KLHL42: variants seen among roughly 807,000 people sequenced by gnomAD.
KLHL42 encodes the protein kelch like family member 42.
KLHL42 carries 27 observed loss-of-function variants against 32.7 expected under a neutral mutation model. The ratio of observed to expected loss-of-function variants is 0.83; its 90% CI spans 0.61 to 1.14. The LOEUF (loss-of-function observed/expected upper bound fraction) is 1.14, where lower values mean the gene tolerates loss of function less well. Among genes scored for constraint, KLHL42 ranks in the 50% most tolerant of loss-of-function variants. KLHL42 has a pLI of 0.00. For synonymous variants in KLHL42, 267 were observed against 248.2 expected (o/e 1.08, Z -0.71); for missense variants, 491 against 560.8 (o/e 0.88, Z 1.26).
chr12:27,795,532 C>T (rs942342949), intron 2 of KLHL42, among the ~76,000 whole-genome samples: 1 of 152,192 alleles, frequency 6.6e-6, no homozygotes, highest in Non-Finnish European at 1.5e-5. Flanking sequence ...TGGGCAGTTA[C>T]TTATACTCTG....
chr12:27,796,699 C>T (rs537411766), intron 2 of KLHL42, among the ~76,000 whole-genome samples: 2 of 152,104 alleles, frequency 1.3e-5, no homozygotes, highest in African/African-American at 2.4e-5. Context: ...GTGACATGAT[C>T]ACAGCTCACT....
At position 27,781,187 on chromosome 12, in the gene KLHL42, C is replaced by G; in HGVS notation, c.857C>G (p.Ser286Cys). Residue 286 changes from serine to cysteine, a missense_variant, in exon 1 of 3, where the codon TCC becomes TGC. Coordinates refer to ENST00000381271, the MANE Select transcript of KLHL42 (RefSeq NM_020782.2). ...PSTNEWLQVA[S>C]MNQKRSNFKL... The stretch of plus-strand genomic sequence containing the variant: ...ACCAACGAGTGGCTCCAGGTGGCCT[C>G]CATGAACCAGAAGAGGTAAGCACCC... 1 of 1,613,734 alleles carries G rather than the reference C, an allele frequency of 6.2e-7. No individual in the cohort carries two copies. The highest frequency in any genetic ancestry group is 2.2e-5 in the East Asian group (1 of 44,884).
Position 27,797,961 on chromosome 12 carries a change from C to T in KLHL42, c.1313C>T (p.Ser438Leu), listed in dbSNP as rs759832133. 4 of 780,920 alleles carry T rather than the reference C, an allele frequency of 5.1e-6. No individual in the cohort carries two copies. The highest frequency in any genetic ancestry group is 5.1e-5 in the African/African-American group (3 of 59,120). The allele number at this position is 780,920 out of a possible 1,614,324, so 48.4% of individuals were successfully genotyped here. A position where few individuals can be genotyped will look rare whatever the true frequency, so the allele number is the denominator to read the frequency against. ...WLYLKENTSK[S>L]GLNLTCALHN... is the part of the protein sequence containing the mutation. ...TACCTCAAGGAGAACACGTCCAAAT[C>T]GGGTCTTAACTTGACTTGTGCGCTC... Residue 438 changes from serine (S) to leucine (L), a missense_variant, in exon 3 of 3, where the codon TCG (serine) becomes TTG (leucine). Ser to Leu is a moderately radical substitution (Grantham distance 145). Coordinates refer to ENST00000381271, the MANE Select transcript of KLHL42 (RefSeq NM_020782.2).
At chr12:27,793,959 G>C (rs1332774341) in intron 2 of KLHL42, among the ~76,000 whole-genome samples, 3 of 152,240 alleles carry the variant, frequency 2.0e-5, no homozygotes, top group Admixed American at 6.5e-5. Context: ...GTAGCATCCA[G>C]ATAGGTGACA....
chr12:27,780,283 C>A lies in KLHL42; in HGVS notation c.-48C>A. 6.7e-7 allele frequency: 1 copy of A among 1,491,520 alleles called. No individual in the cohort carries two copies. Among genetic ancestry groups the A allele is most frequent in the South Asian group, 1.3e-5 (1 of 77,602 alleles). 92.4% of individuals were successfully genotyped at this position (1,491,520 alleles called of 1,614,324 possible). The stretch of plus-strand genomic sequence containing the variant: ...GGCGCGCGCGTAGGGGCTGGGAGGC[C>A]GGCGCGCAGATCTGGCGGTGAGCGC... On this transcript the variant is annotated 5_prime_UTR_variant, in exon 1 of 3. Coordinates refer to ENST00000381271, the MANE Select transcript of KLHL42 (RefSeq NM_020782.2). This position sits in a 1 kb window ranked among gnomAD's most constrained non-coding sequence, Gnocchi z 8.8.
At chr12:27,785,565 C>T (rs1229714836) in intron 1 of KLHL42, among the ~76,000 whole-genome samples, 3 of 152,048 alleles carry the variant, frequency 2.0e-5, no homozygotes, top group Non-Finnish European at 2.9e-5. Context: ...TCTTTAGTTC[C>T]CTCTGCTTTG....
rs57311473 is a variant in KLHL42 at position 27,799,767 on chromosome 12, A to C, written c.*1601A>C. 0.041 allele frequency: 6,665 copies of C among 161,754 alleles called. 449 individuals are homozygous for C. The highest frequency in any genetic ancestry group is 0.15 in the African/African-American group (6,293 of 41,650). The allele number at this position is 161,754 out of a possible 1,614,324, so 10.0% of individuals were successfully genotyped here. A position where few individuals can be genotyped will look rare whatever the true frequency, so the allele number is the denominator to read the frequency against. On this transcript the variant is annotated 3_prime_UTR_variant, in exon 3 of 3. Coordinates refer to ENST00000381271, the MANE Select transcript of KLHL42 (RefSeq NM_020782.2). ...AGCCTATTTGCACAACTTTTTGGGA[A>C]TACTTCTATTAACTAAAATGAGGTA...
chr12:27,791,976 G>A (rs1298859480), intron 2 of KLHL42, 75 bp downstream of exon 2: 6 of 1,269,336 alleles, frequency 4.7e-6, no homozygotes, highest in Non-Finnish European at 6.8e-6. Flanking sequence ...GAGGGTGTCA[G>A]AGGAAGCCCC....
intron 1 of KLHL42, among the ~76,000 whole-genome samples, chr12:27,785,361 G>T (rs1317200665): frequency 6.6e-6 from 1 of 152,034 alleles, no homozygotes; most frequent in Non-Finnish European, 1.5e-5. Context: ...CACCATGCTT[G>T]GTTAATTTTT....
At position 27,800,142 on chromosome 12, in the gene KLHL42, G is replaced by A; in HGVS notation, c.*1976G>A. 6.1e-6 allele frequency: 6 copies of A among 985,270 alleles called. No homozygotes were observed. The highest frequency in any genetic ancestry group is 7.2e-6 in the Non-Finnish European group (6 of 829,796). The allele number at this position is 985,270 out of a possible 1,614,324, so 61.0% of individuals were successfully genotyped here. A position where few individuals can be genotyped will look rare whatever the true frequency, so the allele number is the denominator to read the frequency against. On this transcript the variant is annotated 3_prime_UTR_variant, in exon 3 of 3. Coordinates refer to ENST00000381271, the MANE Select transcript of KLHL42 (RefSeq NM_020782.2). ...TTTAGAAGATGAGTCAGTTGAATTA[G>A]TACTGGACAAACAGTTGGAGATTAG...
chr12:27,784,047 T>C (rs1591813733), intron 1 of KLHL42, among the ~76,000 whole-genome samples: 1 of 152,264 alleles, frequency 6.6e-6, no homozygotes, highest in East Asian at 1.9e-4. Context: ...GCATGTATCT[T>C]AGTAGCCATA....
chr12:27,790,127 T>C (rs2062189981), intron 1 of KLHL42, among the ~76,000 whole-genome samples: 1 of 152,188 alleles, frequency 6.6e-6, no homozygotes, highest in Non-Finnish European at 1.5e-5. Flanking sequence ...TTTCTTAGTA[T>C]ATTATTATTT....
intron 1 of KLHL42, among the ~76,000 whole-genome samples, chr12:27,790,025 G>T (rs903295531): frequency 3.9e-5 from 6 of 152,158 alleles, no homozygotes; most frequent in African/African-American, 7.2e-5. Flanking sequence ...ACACTTTTTA[G>T]GGGATCAAGC....
rs146766343 is a variant in KLHL42 at position 27,780,902 on chromosome 12, C to G, written c.572C>G (p.Thr191Ser). 4 of 1,609,580 alleles carry G rather than the reference C, an allele frequency of 2.5e-6. No individual in the cohort carries two copies. In the African/African-American group the frequency reaches 5.3e-5, roughly 22 times the overall value. ...LKQRLREARM[T>S]GTPVLVALGD... ...CAGAGGCTGAGGGAGGCCCGGATGA[C>G]TGGGACTCCTGTCCTCGTGGCCCTC... The change falls in exon 1 of 3, where the codon ACT becomes AGT. Residue 191 changes from threonine to serine, a missense_variant. This residue lies in a region of KLHL42 where 248 missense variants were observed against 329.2 expected (regional missense o/e 0.75). Transcript: ENST00000381271. The surrounding 1 kb of genome is among the most constrained non-coding windows in gnomAD (Gnocchi z 8.8).
intron 1 of KLHL42, 122 bp downstream of exon 1, chr12:27,781,324 C>T (rs2062147333): frequency 5.8e-6 from 7 of 1,208,500 alleles, no homozygotes; most frequent in Middle Eastern, 2.1e-4. Context: ...ATGACATCTT[C>T]AGGAATGTTG....
Position 27,798,258 on chromosome 12 carries a change from A to T in KLHL42, c.*92A>T, listed in dbSNP as rs1591817456. 3 of 675,882 alleles carry T rather than the reference A, an allele frequency of 4.4e-6. No homozygotes were observed. The East Asian group carries it at 7.4e-5, about 17-fold the overall frequency. The allele number at this position is 675,882 out of a possible 1,614,324, so 41.9% of individuals were successfully genotyped here. On this transcript the variant is annotated 3_prime_UTR_variant, in exon 3 of 3. Transcript: ENST00000381271. ...AAGGGAGACCAATTCCTAAAGGGTA[A>T]AGAAGGGTTAAAGTAGGTCACATAT... is the stretch of plus-strand genomic sequence containing the variant.
At chr12:27,788,545 G>T (rs1336666965) in intron 1 of KLHL42, among the ~76,000 whole-genome samples, 1 of 152,104 alleles carries the variant, frequency 6.6e-6, no homozygotes, top group East Asian at 1.9e-4. Context: ...GCTTTTAGGG[G>T]TTTAAAGAGC....
At position 27,802,429 on chromosome 12, in the gene KLHL42, A is replaced by G. The variant is rs1355293449; in HGVS notation, c.*4263A>G. The G allele has an allele frequency of 1.3e-5, 2 of 152,420 alleles. No homozygotes were observed. Among genetic ancestry groups the G allele is most frequent in the Non-Finnish European group, 1.5e-5 (1 of 68,038 alleles). 9.4% of individuals were successfully genotyped at this position (152,420 alleles called of 1,614,324 possible). A position where few individuals can be genotyped will look rare whatever the true frequency, so the allele number is the denominator to read the frequency against. On this transcript the variant is annotated 3_prime_UTR_variant, in exon 3 of 3. Transcript: ENST00000381271. ...ACTAGTACTGATGAAAAGGTGGTTGATTTTGCCTTGTGATAATTATCAAAG... is the reference window on the plus strand; with the variant it reads ...ACTAGTACTGATGAAAAGGTGGTTGGTTTTGCCTTGTGATAATTATCAAAG...
At chr12:27,794,762 A>G (rs2140822045) in intron 2 of KLHL42, among the ~76,000 whole-genome samples, 1 of 152,136 alleles carries the variant, frequency 6.6e-6, no homozygotes. Flanking sequence ...TGATGTGTAT[A>G]TTTATGTATT....
Sources: gnomAD v4.1 joint callset for allele counts (sites outside exome capture counted in the v4.1 genomes callset) on GRCh38, gnomAD v4.1.1 for gene constraint, gnomAD v4.1.1 regional missense constraint, Gnocchi (gnomAD v3.1) non-coding constraint, MANE v1.5 for transcripts, NCBI Gene and HGNC (gene_info 2026-07-23, HGNC 2026-07-21) for gene names.